The following SEMA3F variants were observed in gnomAD, a reference collection of about 807,000 sequenced individuals.
SEMA3F encodes semaphorin 3F, also known as semaphorin-3F.
SEMA3F carries 30 observed loss-of-function variants against 98.5 expected under a neutral mutation model. That is an observed-to-expected ratio of 0.30 (90% CI 0.23 to 0.41). The LOEUF (loss-of-function observed/expected upper bound fraction) is 0.41. Among genes scored for constraint, SEMA3F ranks in the 10% least tolerant of loss-of-function variants. The pLI is 1.00. For synonymous variants in SEMA3F, 380 were observed against 444.8 expected, an observed-to-expected ratio of 0.85 and a Z score of 1.83; for missense variants, 866 against 1,119.3, an observed-to-expected ratio of 0.77 and a Z score of 3.23.
Position 50,182,791 on chromosome 3 carries a change from T to C in SEMA3F, c.903+8T>C, listed in dbSNP as rs1357372478. ...ATCGGGCGCATTTGCCTGGTATGCA[T>C]TGGCAGAGCCACCAGGCTGCCCCTT... is the stretch of plus-strand genomic sequence containing the variant. On this transcript the variant is annotated splice_region_variant and intron_variant, in intron 9 of 18. Transcript: ENST00000002829. This position sits in a 1 kb window ranked among gnomAD's most constrained non-coding sequence, Gnocchi z 4.5. 12 of 1,612,288 alleles carry C rather than the reference T, an allele frequency of 7.4e-6. No individual in the cohort carries two copies. The highest frequency in any genetic ancestry group is 2.2e-5 in the East Asian group (1 of 44,858).
In SEMA3F at chr3:50,188,180, T is replaced by TAG. The variant is rs1699309135; in HGVS notation, c.*66_*67insGA. On this transcript the variant is annotated 3_prime_UTR_variant, in exon 19 of 19. Coordinates refer to ENST00000002829, the MANE Select transcript of SEMA3F (RefSeq NM_004186.5). The surrounding 1 kb of genome is among the most constrained non-coding windows in gnomAD (Gnocchi z 4.5). ...TGTCCCTTTTAATATAAAAGATATA[T>TAG]ATATATATATATATATATAAAATAT... 7.0e-6 allele frequency: 3 copies of TAG among 428,520 alleles called. No individual in the cohort carries two copies. The highest frequency in any genetic ancestry group is 1.1e-4 in the South Asian group (1 of 9,008). The allele number at this position is 428,520 out of a possible 1,614,324, so 26.5% of individuals were successfully genotyped here.
chr3:50,162,641 C>T (rs558488160), intron 2 of SEMA3F, among the ~76,000 whole-genome samples: 14 of 152,336 alleles, frequency 9.2e-5, no homozygotes, highest in African/African-American at 3.4e-4. Context: ...CACCTCCCTC[C>T]GTGGCAGCAG....
rs756979411 is a variant in SEMA3F at position 50,183,528 on chromosome 3, C to A, written c.1197C>A (p.Pro399=). The change falls in exon 12 of 19, where the codon CCC becomes CCA. Residue 399 remains proline (P), a synonymous_variant. Transcript: ENST00000002829. ...AGGGGCCCAACTACCAGTGGATGCC[C>A]TTCTCAGGGAAGATGCCCTACCCAC... is the stretch of plus-strand genomic sequence containing the variant. The part of the protein sequence containing the change: ...HKEGPNYQWM[P]FSGKMPYPRP... The A allele has an allele frequency of 8.7e-6, 14 of 1,613,974 alleles. No homozygotes were observed. The highest frequency in any genetic ancestry group is 1.2e-5 in the Non-Finnish European group (14 of 1,180,038).
At chr3:50,170,501 T>G (rs529280670) in intron 2 of SEMA3F, among the ~76,000 whole-genome samples, 2 of 152,174 alleles carry the variant, frequency 1.3e-5, no homozygotes, top group Non-Finnish European at 2.9e-5. Context: ...CATTCCACTC[T>G]CCTTTCCCTG....
intron 2 of SEMA3F, among the ~76,000 whole-genome samples, chr3:50,167,411 G>A (rs1055738432): frequency 4.6e-5 from 7 of 152,332 alleles, no homozygotes; most frequent in Admixed American, 1.3e-4. Flanking sequence ...GAGTCAGGGA[G>A]TGATCCTGCT....
chr3:50,179,111 C>T (rs545671497), intron 7 of SEMA3F, among the ~76,000 whole-genome samples: 25 of 152,188 alleles, frequency 1.6e-4, no homozygotes, highest in Middle Eastern at 3.4e-3. Context: ...GCGTGAGCCA[C>T]CACGCCCACC....
intron 5 of SEMA3F, 55 bp from the exon 6 acceptor site, chr3:50,175,041 C>T (rs889417116): frequency 2.0e-5 from 26 of 1,284,124 alleles, no homozygotes; most frequent in South Asian, 1.2e-4. Context: ...AGCCCGAGCC[C>T]GCTCCCCCAG....
In SEMA3F at chr3:50,161,559, C is replaced by G. The variant is rs564642660; in HGVS notation, c.112+1825C>G. Among the ~76,000 whole-genome samples, 292 of 152,348 alleles carry G rather than the reference C, an allele frequency of 1.9e-3. 2 individuals carry two copies. Among genetic ancestry groups the G allele is most frequent in the African/African-American group, 6.4e-3 (267 of 41,588 alleles). ...CGGCCTGGGGTGGGGCTGCAGCGCA[C>G]CTGGGGCCACCCATCCCAGGGCTCC... On this transcript the variant is annotated intron_variant, in intron 2 of 18. Coordinates refer to ENST00000002829, the MANE Select transcript of SEMA3F (RefSeq NM_004186.5).
intron 2 of SEMA3F, among the ~76,000 whole-genome samples, chr3:50,161,054 A>G (rs1364007256): frequency 6.6e-6 from 1 of 152,140 alleles, no homozygotes; most frequent in Non-Finnish European, 1.5e-5. Flanking sequence ...GGAATTCTTC[A>G]GAGCAGATTA....
intron 6 of SEMA3F, 55 bp from the exon 7 acceptor site, chr3:50,176,713 A>G (rs1000751531): frequency 5.2e-6 from 7 of 1,333,992 alleles, no homozygotes; most frequent in African/African-American, 1.4e-5. Flanking sequence ...TGACCCTTAC[A>G]CTTCCTGGCT....
At position 50,166,075 on chromosome 3, in the gene SEMA3F, G is replaced by C. The variant is rs1207916257; in HGVS notation, c.112+6341G>C. On this transcript the variant is annotated intron_variant, in intron 2 of 18. Transcript: ENST00000002829. The surrounding 1 kb of genome is among the most constrained non-coding windows in gnomAD (Gnocchi z 4.7). ...CAGGGATCAGGAAGCCTCAGCTCCG[G>C]ATCCCCCTTCCCCCACTCTTCTTCC... 5.9e-5 allele frequency among the ~76,000 whole-genome samples: 9 copies of C among 152,206 alleles called. No individual in the cohort carries two copies. The East Asian group carries it at 1.7e-3, about 29-fold the overall frequency.
intron 4 of SEMA3F, 39 bp from the exon 5 acceptor site, chr3:50,174,192 C>T (rs1228781833): frequency 2.1e-5 from 34 of 1,613,586 alleles, no homozygotes; most frequent in Non-Finnish European, 2.7e-5. Flanking sequence ...GGGGGCAGGC[C>T]TGGCCAGGGC....
In SEMA3F at chr3:50,182,212, G is replaced by C; in HGVS notation, c.644-72G>C. 3 of 1,605,566 alleles carry C rather than the reference G, an allele frequency of 1.9e-6. No homozygotes were observed. Among genetic ancestry groups the C allele is most frequent in the Non-Finnish European group, 2.6e-6 (3 of 1,173,076 alleles). On this transcript the variant is annotated intron_variant, in intron 7 of 18. Transcript: ENST00000002829. This position sits in a 1 kb window ranked among gnomAD's most constrained non-coding sequence, Gnocchi z 4.5. ...GAGCGGGGAGATAAGGCCCTGCCCT[G>C]GAAGTCATCTGAGCTGTGCCCTGGC... is the stretch of plus-strand genomic sequence containing the variant.
intron 7 of SEMA3F, among the ~76,000 whole-genome samples, chr3:50,181,880 A>C (rs1175137536): frequency 1.3e-5 from 2 of 152,214 alleles, no homozygotes; most frequent in African/African-American, 4.8e-5. Context: ...TGGGCCTCCC[A>C]AAGTGCTGGG....
intron 12 of SEMA3F, chr3:50,184,284 CAG>C (rs1181075815): frequency 4.6e-6 from 2 of 434,750 alleles, no homozygotes; most frequent in Admixed American, 7.4e-5. Flanking sequence ...TAGGAACAAC[CAG>C]AGAGGAAGGA....
intron 5 of SEMA3F, among the ~76,000 whole-genome samples, chr3:50,174,695 G>C (rs1698742573): frequency 6.6e-6 from 1 of 152,234 alleles, no homozygotes; most frequent in Non-Finnish European, 1.5e-5. Context: ...GCCTGGTGGG[G>C]GCCTTGCAAT....
rs1282366377 is a variant in SEMA3F at position 50,188,041 on chromosome 3, G to C, written c.2284G>C (p.Gly762Arg). 1 of 1,592,248 alleles carries C rather than the reference G, an allele frequency of 6.3e-7. No individual in the cohort carries two copies. The highest frequency in any genetic ancestry group is 1.3e-5 in the African/African-American group (1 of 74,252). Residue 762 changes from glycine to arginine, a missense_variant, in exon 19 of 19, where the codon GGG (glycine) becomes CGG (arginine). Coordinates refer to ENST00000002829, the MANE Select transcript of SEMA3F (RefSeq NM_004186.5). This position sits in a 1 kb window ranked among gnomAD's most constrained non-coding sequence, Gnocchi z 4.5. Reference sequence around the variant, plus strand: ...GCCCCCCAGCCCCAGGGAGGCTCCAGGGGCACCCCGGTCTCCTGAGCCCCA... The same window carrying C: ...GCCCCCCAGCCCCAGGGAGGCTCCACGGGCACCCCGGTCTCCTGAGCCCCA... ...HVPPSPREAP[G>R]APRSPEPQDQ...
At chr3:50,167,121 T>C (rs1239665025) in intron 2 of SEMA3F, among the ~76,000 whole-genome samples, 1 of 152,172 alleles carries the variant, frequency 6.6e-6, no homozygotes, top group South Asian at 2.1e-4. Context: ...TTGACCACAG[T>C]GTCCTTCCAA....
intron 2 of SEMA3F, among the ~76,000 whole-genome samples, chr3:50,160,024 T>C (rs1698144883): frequency 6.6e-6 from 1 of 152,116 alleles, no homozygotes; most frequent in Admixed American, 6.5e-5. Flanking sequence ...TGTCTTTCTG[T>C]ATGATAATTG....
Sources: allele counts gnomAD v4.1 joint callset (sites outside exome capture counted in the v4.1 genomes callset), GRCh38; gene constraint gnomAD v4.1.1; non-coding constraint Gnocchi (gnomAD v3.1); transcripts MANE v1.5; gene names NCBI Gene and HGNC (gene_info 2026-07-23, HGNC 2026-07-21).